The following ARPP21 variants were observed in gnomAD, a reference collection of about 807,000 sequenced individuals.
The protein encoded by ARPP21 is cAMP regulated phosphoprotein 21, also known as cAMP-regulated phosphoprotein 21.
A neutral mutation model predicts 113.2 loss-of-function variants in ARPP21; 69 were observed. The observed-to-expected ratio is 0.61, with a 90% CI of 0.50 to 0.74. The LOEUF (loss-of-function observed/expected upper bound fraction) is 0.74. ARPP21 is among the 30% of genes least tolerant of loss of function. The pLI is 0.00. For synonymous variants in ARPP21, 368 were observed against 375.5 expected (o/e 0.98, Z 0.23); for missense variants, 1,070 against 1,037.4 (o/e 1.03, Z -0.43).
intron 18 of ARPP21, among the ~76,000 whole-genome samples, chr3:35,742,160 A>G (rs1475705068): frequency 1.3e-5 from 2 of 152,228 alleles, no homozygotes; most frequent in Non-Finnish European, 2.9e-5. Flanking sequence ...TGAACATAAG[A>G]AGGGAGATCA....
chr3:35,758,706 A>G (rs997150317), intron 19 of ARPP21, among the ~76,000 whole-genome samples: 1 of 152,018 alleles, frequency 6.6e-6, no homozygotes, highest in Non-Finnish European at 1.5e-5. Context: ...TAGTTTAACC[A>G]TTGTCTATAA....
At chr3:35,715,204 G>A (rs576373552) in intron 11 of ARPP21, 27 of 450,398 alleles carry the variant, frequency 6.0e-5, no homozygotes, top group Middle Eastern at 6.1e-4. Context: ...ATGCCGAACA[G>A]ACTAAATCTA....
intron 1 of ARPP21, chr3:35,652,085 T>G (rs1407945702): frequency 6.6e-6 from 1 of 152,072 alleles, no homozygotes; most frequent in East Asian, 1.9e-4. Context: ...ATGTGGGTAT[T>G]CATAGGTGAT....
intron 19 of ARPP21, among the ~76,000 whole-genome samples, chr3:35,784,013 C>T (rs1226561183): frequency 6.6e-6 from 1 of 152,142 alleles, no homozygotes; most frequent in African/African-American, 2.4e-5. Flanking sequence ...CATATCCCTA[C>T]ACACAATAGA....
intron 18 of ARPP21, among the ~76,000 whole-genome samples, chr3:35,741,814 G>C (rs2094681195): frequency 1.3e-5 from 2 of 152,010 alleles, no homozygotes; most frequent in African/African-American, 4.8e-5. Flanking sequence ...AAAGATTGCT[G>C]TTAACCTGGC....
At chr3:35,785,641 C>T (rs555399497) in intron 19 of ARPP21, among the ~76,000 whole-genome samples, 87 of 152,210 alleles carry the variant, frequency 5.7e-4, no homozygotes, top group African/African-American at 2.0e-3. Flanking sequence ...ATGTGTACTG[C>T]CATTAGAAAA....
chr3:35,790,027 TC>T, intron 19 of ARPP21, among the ~76,000 whole-genome samples: 1 of 152,270 alleles, frequency 6.6e-6, no homozygotes, highest in South Asian at 2.1e-4. Context: ...CGCTTCTCTT[TC>T]CCCCACTTCC....
intron 19 of ARPP21, among the ~76,000 whole-genome samples, chr3:35,780,455 T>A (rs1477322488): frequency 1.3e-5 from 2 of 152,136 alleles, no homozygotes; most frequent in African/African-American, 4.8e-5. Flanking sequence ...GATATTAGCC[T>A]ATCCTGACAC....
chr3:35,717,315 G>C lies in ARPP21; in HGVS notation c.953G>C (p.Ser318Thr). 1 of 1,605,354 alleles carries C rather than the reference G, an allele frequency of 6.2e-7. No individual in the cohort carries two copies. Among genetic ancestry groups the C allele is most frequent in the Non-Finnish European group, 8.5e-7 (1 of 1,172,444 alleles). ...ATTTCCAGTAGGCTCTTGGAAGACA[G>C]TAACATATGCAATGAGACCTATAAG... ...FVENSRLLED[S>T]NICNETYKKR... Residue 318 changes from serine to threonine, a missense_variant, in exon 13 of 21, where the codon AGT becomes ACT. Physicochemically the swap from Ser to Thr is moderately conservative, Grantham distance 58. Coordinates refer to ENST00000684406, the MANE Select transcript of ARPP21 (RefSeq NM_001385562.1).
intron 19 of ARPP21, among the ~76,000 whole-genome samples, chr3:35,759,405 T>G (rs896114935): frequency 7.9e-5 from 12 of 152,140 alleles, no homozygotes; most frequent in African/African-American, 2.9e-4. Context: ...ACCGTTGTTG[T>G]TCATTTCTAA....
At chr3:35,780,902 G>A (rs1382228312) in intron 19 of ARPP21, among the ~76,000 whole-genome samples, 2 of 152,030 alleles carry the variant, frequency 1.3e-5, no homozygotes, top group African/African-American at 4.8e-5. Flanking sequence ...GAGGCGAGAT[G>A]GTGAGGCTGG....
At chr3:35,784,067 G>A (rs1559955303) in intron 19 of ARPP21, among the ~76,000 whole-genome samples, 1 of 152,130 alleles carries the variant, frequency 6.6e-6, no homozygotes, top group Non-Finnish European at 1.5e-5. Context: ...GGAGACAGGT[G>A]CCTATCCAAG....
chr3:35,748,075 A>G (rs369699613), intron 19 of ARPP21, among the ~76,000 whole-genome samples: 6,898 of 63,362 alleles, frequency 0.11, 190 homozygotes, highest in Non-Finnish European at 0.14. Context: ...AGGAAGAAAG[A>G]AAGAAAGAAA....
At chr3:35,769,636 G>T (rs1019169626) in intron 19 of ARPP21, among the ~76,000 whole-genome samples, 1 of 152,224 alleles carries the variant, frequency 6.6e-6, no homozygotes, top group East Asian at 1.9e-4. Context: ...CTCCCTCATT[G>T]CAAAGAATAA....
chr3:35,793,634 C>T, intron 20 of ARPP21, 67 bp from the exon 21 acceptor site: 1 of 1,041,210 alleles, frequency 9.6e-7, no homozygotes, highest in Non-Finnish European at 1.5e-6. Flanking sequence ...TTCATGACAC[C>T]ATGTTGTTTA....
chr3:35,778,520 C>A (rs1352183740), intron 19 of ARPP21, among the ~76,000 whole-genome samples: 3 of 152,156 alleles, frequency 2.0e-5, no homozygotes, highest in African/African-American at 7.2e-5. Context: ...CTGGTTTCTC[C>A]CCTAAGACCT....
At chr3:35,655,331 C>T (rs1002330381) in intron 1 of ARPP21, among the ~76,000 whole-genome samples, 12 of 151,746 alleles carry the variant, frequency 7.9e-5, no homozygotes, top group Admixed American at 6.6e-5. Context: ...TGATGGGGTG[C>T]TCCAGGCTAG....
intron 15 of ARPP21, among the ~76,000 whole-genome samples, chr3:35,735,959 A>C (rs1466510700): frequency 2.6e-5 from 4 of 152,210 alleles, no homozygotes; most frequent in African/African-American, 9.7e-5. Context: ...TTCATTGATT[A>C]ATAATTTTCA....
chr3:35,702,062 TA>T (rs1039444330), intron 9 of ARPP21, among the ~76,000 whole-genome samples: 2 of 151,758 alleles, frequency 1.3e-5, no homozygotes, highest in Non-Finnish European at 3.0e-5. Flanking sequence ...ATTTTGTTGT[TA>T]TACAATAATA....
Sources: gnomAD v4.1 joint callset for allele counts (sites outside exome capture counted in the v4.1 genomes callset) on GRCh38, gnomAD v4.1.1 for gene constraint, MANE v1.5 for transcripts, NCBI Gene and HGNC (gene_info 2026-07-23, HGNC 2026-07-21) for gene names.